MED12L: variants seen among roughly 807,000 people sequenced by gnomAD.
MED12L encodes the protein mediator of RNA polymerase II transcription subunit 12-like protein.
MED12L carries 60 observed loss-of-function variants against 281.3 expected under a neutral mutation model. The ratio of observed to expected loss-of-function variants is 0.21; its 90% CI spans 0.17 to 0.26. The LOEUF is 0.26. MED12L is among the 10% of genes least tolerant of loss of function. The probability of loss-of-function intolerance (pLI) is 1.00; values close to 1 mark genes in which losing one functional copy is unlikely to be tolerated. For synonymous variants in MED12L, 974 were observed against 987.2 expected, an observed-to-expected ratio of 0.99 and a Z score of 0.25; for missense variants, 2,146 against 2,680.9, an observed-to-expected ratio of 0.80 and a Z score of 4.41.
At chr3:151,346,221 C>T (rs1752519317) in intron 16 of MED12L, among the ~76,000 whole-genome samples, 1 of 152,076 alleles carries the variant, frequency 6.6e-6, no homozygotes, top group African/African-American at 2.4e-5. Flanking sequence ...TCCTTTCTTT[C>T]TTTCCATATT....
At chr3:151,425,162 C>T (rs1006603806) in intron 43 of MED12L, among the ~76,000 whole-genome samples, 8 of 152,154 alleles carry the variant, frequency 5.3e-5, no homozygotes, top group East Asian at 3.8e-4. Context: ...ATCTGAGCAT[C>T]GGTAGGTCCA....
intron 5 of MED12L, among the ~76,000 whole-genome samples, chr3:151,132,667 A>C (rs1001890387): frequency 1.8e-4 from 27 of 152,320 alleles, no homozygotes; most frequent in African/African-American, 6.3e-4. Flanking sequence ...GTAAATATAC[A>C]GTTCCTTTCT....
At chr3:151,237,496 C>G (rs1163576287) in intron 16 of MED12L, among the ~76,000 whole-genome samples, 3 of 151,316 alleles carry the variant, frequency 2.0e-5, no homozygotes, top group Non-Finnish European at 4.4e-5. Context: ...ACTACAGGTG[C>G]CCGCCACCAT....
intron 16 of MED12L, among the ~76,000 whole-genome samples, chr3:151,252,846 C>G (rs936505044): frequency 1.3e-5 from 2 of 151,970 alleles, no homozygotes; most frequent in African/African-American, 2.4e-5. Flanking sequence ...TTAACCAAAA[C>G]TGGTATTTGG....
chr3:151,290,167 T>G (rs892943756), intron 16 of MED12L, among the ~76,000 whole-genome samples: 6 of 152,182 alleles, frequency 3.9e-5, no homozygotes, highest in Non-Finnish European at 5.9e-5. Flanking sequence ...ATTACAGGCA[T>G]GAGCCACCAC....
intron 16 of MED12L, among the ~76,000 whole-genome samples, chr3:151,276,792 A>G (rs954722179): frequency 1.3e-5 from 2 of 152,158 alleles, no homozygotes; most frequent in African/African-American, 4.8e-5. Flanking sequence ...GGGCACCGTA[A>G]TACTTCAGGA....
chr3:151,316,887 G>A (rs898795682), intron 16 of MED12L: 10 of 152,150 alleles, frequency 6.6e-5, no homozygotes, highest in African/African-American at 1.9e-4. Context: ...TTGTCGACTG[G>A]GGAAGAGTAT....
chr3:151,403,939 A>G lies in MED12L; in HGVS notation c.5821-5304A>G, dbSNP rs116915686. ...TTTTTCTTGACAGTTTATGGTATTC[A>G]GGGGGCAGGTGAGGATTTTATTGAA... is the stretch of plus-strand genomic sequence containing the variant. On this transcript the variant is annotated intron_variant, in intron 39 of 44. Coordinates refer to ENST00000687756, the MANE Select transcript of MED12L (RefSeq NM_001393769.1). Among the ~76,000 whole-genome samples the G allele has an allele frequency of 5.8e-3, 883 of 152,304 alleles. 27 individuals are homozygous for G. The East Asian group carries it at 0.088, about 15-fold the overall frequency.
intron 16 of MED12L, chr3:151,213,636 G>T: frequency 6.2e-7 from 1 of 1,614,074 alleles, no homozygotes; most frequent in South Asian, 1.1e-5. Context: ...ATTTCTTTTT[G>T]ACCGAAGTGG....
Position 151,222,915 on chromosome 3 carries a change from A to G in MED12L, c.2250+29249A>G, listed in dbSNP as rs375949141. Among the ~76,000 whole-genome samples, 23 of 152,336 alleles carry G rather than the reference A, an allele frequency of 1.5e-4. No homozygotes were observed. The South Asian group carries it at 4.3e-3, about 29-fold the overall frequency. ...GGATCTTTGCCCAAGTTTATTCATT[A>G]CATTTCATCATAATCTTCCCATCTT... On this transcript the variant is annotated intron_variant, in intron 16 of 44. Coordinates refer to ENST00000687756, the MANE Select transcript of MED12L (RefSeq NM_001393769.1).
At chr3:151,191,417 CTG>C (rs1439047074) in intron 14 of MED12L, among the ~76,000 whole-genome samples, 1 of 152,202 alleles carries the variant, frequency 6.6e-6, no homozygotes, top group Non-Finnish European at 1.5e-5. Context: ...AGTTTAATCT[CTG>C]TTTCTCAAAT....
chr3:151,110,528 A>G (rs1711702132), intron 2 of MED12L, among the ~76,000 whole-genome samples: 1 of 152,226 alleles, frequency 6.6e-6, no homozygotes, highest in African/African-American at 2.4e-5. Flanking sequence ...AACTCTTCTC[A>G]GAAACTTCAG....
chr3:151,243,620 T>C (rs1734721421), intron 16 of MED12L, among the ~76,000 whole-genome samples: 1 of 151,714 alleles, frequency 6.6e-6, no homozygotes, highest in African/African-American at 2.4e-5. Context: ...AAGGAAGCGC[T>C]AAACATGGAA....
chr3:151,269,986 C>A, intron 16 of MED12L: 4 of 274,250 alleles, frequency 1.5e-5, no homozygotes, highest in Non-Finnish European at 2.1e-5. Context: ...ACTTGGTTTT[C>A]AATATGGATG....
chr3:151,190,411 A>G (rs1167997057), intron 13 of MED12L, among the ~76,000 whole-genome samples: 3 of 152,014 alleles, frequency 2.0e-5, no homozygotes, highest in Non-Finnish European at 2.9e-5. Context: ...ACCTCAGGGG[A>G]TCTGTCCACC....
At chr3:151,098,078 G>A (rs766056300) in intron 2 of MED12L, among the ~76,000 whole-genome samples, 1 of 152,218 alleles carries the variant, frequency 6.6e-6, no homozygotes, top group Non-Finnish European at 1.5e-5. Flanking sequence ...TGGGCCTGCC[G>A]CATGGTGCGG....
intron 42 of MED12L, among the ~76,000 whole-genome samples, 155 bp from the exon 43 acceptor site, chr3:151,416,157 C>G (rs774906126): frequency 5.9e-5 from 9 of 152,074 alleles, no homozygotes; most frequent in African/African-American, 2.2e-4. Flanking sequence ...CTCAAAAGGA[C>G]GAATGAGGTT....
intron 25 of MED12L, among the ~76,000 whole-genome samples, chr3:151,368,902 T>C (rs1003888576): frequency 2.0e-5 from 3 of 151,436 alleles, no homozygotes; most frequent in African/African-American, 7.3e-5. Flanking sequence ...GCTGGGACTA[T>C]AGGCATGCAC....
At chr3:151,402,274 A>G (rs1715784092) in intron 39 of MED12L, among the ~76,000 whole-genome samples, 2 of 152,230 alleles carry the variant, frequency 1.3e-5, no homozygotes, top group East Asian at 3.8e-4. Flanking sequence ...ATTTGAATAT[A>G]TAAATGATTT....
Sources: allele counts gnomAD v4.1 joint callset (sites outside exome capture counted in the v4.1 genomes callset), GRCh38; gene constraint gnomAD v4.1.1; transcripts MANE v1.5; gene names NCBI Gene and HGNC (gene_info 2026-07-23, HGNC 2026-07-21).